PTPRN2: variants seen among roughly 807,000 people sequenced by gnomAD.
PTPRN2 encodes receptor-type tyrosine-protein phosphatase N2.
A neutral mutation model predicts 118.8 loss-of-function variants in PTPRN2; 74 were observed. The ratio of observed to expected loss-of-function variants is 0.62; its 90% CI spans 0.52 to 0.76. The LOEUF (loss-of-function observed/expected upper bound fraction) is 0.76. Among genes scored for constraint, PTPRN2 ranks in the 30% least tolerant of loss-of-function variants. The pLI is 0.00. For synonymous variants in PTPRN2, 641 were observed against 608.0 expected (o/e 1.05, Z -0.80); for missense variants, 1,481 against 1,394.4 (o/e 1.06, Z -0.99).
intron 2 of PTPRN2, among the ~76,000 whole-genome samples, chr7:158,381,458 C>A (rs1023842099): frequency 6.6e-6 from 1 of 152,216 alleles, no homozygotes; most frequent in Non-Finnish European, 1.5e-5. Context: ...TGGTTCCCAA[C>A]AAGTTCCTCA....
rs983413582 is a variant in PTPRN2 at position 157,874,979 on chromosome 7, GCA to G, written c.1788+23692_1788+23693del. Among the ~76,000 whole-genome samples, 1 of 151,414 alleles carries G rather than the reference GCA, an allele frequency of 6.6e-6. No homozygotes were observed. The highest frequency in any genetic ancestry group is 2.0e-4 in the East Asian group (1 of 5,102). ...CTTGTGCACATACACAGAGACACAG[GCA>G]CACACAGGCAGACGCAAACGTGCAT... On this transcript the variant is annotated intron_variant, in intron 12 of 22. Transcript: ENST00000389418. This position sits in a 1 kb window ranked among gnomAD's most constrained non-coding sequence, Gnocchi z 5.8.
At chr7:157,597,735 G>A (rs1801427172) in intron 16 of PTPRN2, among the ~76,000 whole-genome samples, 1 of 152,210 alleles carries the variant, frequency 6.6e-6, no homozygotes, top group African/African-American at 2.4e-5. Context: ...GGTGCTGGGA[G>A]GGGGATGGCT....
At chr7:157,812,626 A>G (rs10240192) in intron 12 of PTPRN2, among the ~76,000 whole-genome samples, 1 of 152,190 alleles carries the variant, frequency 6.6e-6, no homozygotes, top group Non-Finnish European at 1.5e-5. Context: ...TGTAAGCGAG[A>G]GAGATGAATG....
chr7:157,927,709 G>A (rs1799109487), intron 11 of PTPRN2, among the ~76,000 whole-genome samples: 1 of 151,928 alleles, frequency 6.6e-6, no homozygotes, highest in South Asian at 2.1e-4. Flanking sequence ...GTGGTGTGTG[G>A]GAAGCAGGAG....
Position 157,671,912 on chromosome 7 carries a change from C to T in PTPRN2, c.2001+10813G>A, listed in dbSNP as rs539647539. Among the ~76,000 whole-genome samples the T allele has an allele frequency of 4.3e-4, 65 of 152,086 alleles. No individual in the cohort carries two copies. The highest frequency in any genetic ancestry group is 1.5e-3 in the African/African-American group (62 of 41,500). On this transcript the variant is annotated intron_variant, in intron 13 of 22. Coordinates refer to ENST00000389418, the MANE Select transcript of PTPRN2 (RefSeq NM_002847.5). This position sits in a 1 kb window ranked among gnomAD's most constrained non-coding sequence, Gnocchi z 4.1. The stretch of plus-strand genomic sequence containing the variant: ...AGGGTGCTGAGCCCTAAGGTCTGTA[C>T]GGGGAGTTTCTAAAAGTCTACGCTG...
chr7:158,404,155 C>T (rs1813169553), intron 2 of PTPRN2, among the ~76,000 whole-genome samples: 1 of 152,182 alleles, frequency 6.6e-6, no homozygotes. Context: ...ATCGCTTAAT[C>T]AGGACACACT....
intron 21 of PTPRN2, among the ~76,000 whole-genome samples, chr7:157,559,907 C>T (rs997057286): frequency 1.1e-4 from 17 of 152,232 alleles, no homozygotes; most frequent in African/African-American, 3.6e-4. Context: ...GCTGTGGCCT[C>T]ATCCAGCTCC....
intron 3 of PTPRN2, among the ~76,000 whole-genome samples, chr7:158,269,610 G>A (rs972764643): frequency 5.9e-5 from 9 of 152,218 alleles, no homozygotes; most frequent in African/African-American, 2.2e-4. Flanking sequence ...AGTGCTCTGA[G>A]CCAGAGTAGG....
chr7:158,568,950 A>AC (rs1827814231), intron 1 of PTPRN2, among the ~76,000 whole-genome samples: 1 of 152,066 alleles, frequency 6.6e-6, no homozygotes, highest in South Asian at 2.1e-4. Flanking sequence ...ACATAGTGAG[A>AC]CCCCATCTCT....
At chr7:157,820,487 A>G (rs1806758950) in intron 12 of PTPRN2, among the ~76,000 whole-genome samples, 1 of 143,826 alleles carries the variant, frequency 7.0e-6, no homozygotes, top group Admixed American at 6.9e-5. Flanking sequence ...TCATACACGC[A>G]CTCACAGCAG....
intron 3 of PTPRN2, among the ~76,000 whole-genome samples, chr7:158,269,977 T>C (rs901530078): frequency 2.0e-5 from 3 of 151,910 alleles, no homozygotes; most frequent in Admixed American, 6.6e-5. Context: ...GAGACAGAGA[T>C]AGCCAGAGAA....
chr7:157,916,823 G>A (rs1412745056), intron 11 of PTPRN2, among the ~76,000 whole-genome samples: 1 of 141,746 alleles, frequency 7.1e-6, no homozygotes. Context: ...ACCATGGCAG[G>A]GGCTGGCCAC....
intron 11 of PTPRN2, among the ~76,000 whole-genome samples, chr7:158,041,588 A>G (rs926670906): frequency 3.9e-5 from 6 of 152,218 alleles, no homozygotes; most frequent in Non-Finnish European, 5.9e-5. Context: ...CAGTGAGCCA[A>G]GATCTTGCCA....
chr7:157,920,900 C>A (rs1798660278), intron 11 of PTPRN2, among the ~76,000 whole-genome samples: 1 of 152,104 alleles, frequency 6.6e-6, no homozygotes, highest in African/African-American at 2.4e-5. Flanking sequence ...ATGAAAAAAA[C>A]AACTGATAGG....
At chr7:158,580,061 T>C (rs1266561113) in intron 1 of PTPRN2, among the ~76,000 whole-genome samples, 1 of 152,244 alleles carries the variant, frequency 6.6e-6, no homozygotes, top group Non-Finnish European at 1.5e-5. Context: ...CAAAATGGAC[T>C]TGAGGTGGGA....
intron 12 of PTPRN2, among the ~76,000 whole-genome samples, chr7:157,685,609 G>A (rs1160358694): frequency 6.6e-6 from 1 of 152,140 alleles, no homozygotes; most frequent in African/African-American, 2.4e-5. Context: ...CCCGGGGCCA[G>A]CCGAGGCTGT....
At chr7:158,298,687 C>G (rs561817747) in intron 3 of PTPRN2, among the ~76,000 whole-genome samples, 19 of 152,298 alleles carry the variant, frequency 1.2e-4, no homozygotes, top group African/African-American at 4.6e-4. Flanking sequence ...GGCGCAAGGG[C>G]CCAGCAGGAT....
intron 9 of PTPRN2, among the ~76,000 whole-genome samples, chr7:158,132,237 G>A (rs758528460): frequency 6.2e-5 from 9 of 145,670 alleles, no homozygotes; most frequent in Non-Finnish European, 6.0e-5. Context: ...CACATCATAC[G>A]GATAACACAT....
Position 157,595,131 on chromosome 7 carries a change from C to G in PTPRN2, c.2496+107G>C. 4 of 969,266 alleles carry G rather than the reference C, an allele frequency of 4.1e-6. No individual in the cohort carries two copies. In the Admixed American group the frequency reaches 7.9e-5, roughly 19 times the overall value. 60.0% of individuals were successfully genotyped at this position (969,266 alleles called of 1,614,324 possible). ...TCTGATATAAGTAACATTTGATGAG[C>G]ATTTGTAAGAAGTTTGATTGGCCTA... On this transcript the variant is annotated intron_variant, in intron 17 of 22. Transcript: ENST00000389418.
Sources: gnomAD v4.1 joint callset for allele counts (sites outside exome capture counted in the v4.1 genomes callset) on GRCh38, gnomAD v4.1.1 for gene constraint, Gnocchi (gnomAD v3.1) non-coding constraint, MANE v1.5 for transcripts, NCBI Gene and HGNC (gene_info 2026-07-23, HGNC 2026-07-21) for gene names.